MIPOL1: variants seen among roughly 807,000 people sequenced by gnomAD.
MIPOL1 encodes mirror-image polydactyly 1.
A neutral mutation model predicts 60.9 loss-of-function variants in MIPOL1; 57 were observed. The ratio of observed to expected loss-of-function variants is 0.94; its 90% CI spans 0.76 to 1.17. The LOEUF (loss-of-function observed/expected upper bound fraction) is 1.17. Among genes scored for constraint, MIPOL1 ranks in the 50% most tolerant of loss-of-function variants. The pLI is 0.00. For missense variants in MIPOL1, 551 were observed against 511.6 expected (o/e 1.08, Z -0.74); for synonymous variants, 179 against 168.8 (o/e 1.06, Z -0.47).
chr14:37,302,656 G>C (rs1444141704), intron 7 of MIPOL1, among the ~76,000 whole-genome samples: 1 of 147,466 alleles, frequency 6.8e-6, no homozygotes, highest in African/African-American at 2.5e-5. Flanking sequence ...TTTGCTTATG[G>C]ACATTCTTAT....
At chr14:37,276,095 G>A (rs1285707777) in intron 6 of MIPOL1, among the ~76,000 whole-genome samples, 1 of 150,972 alleles carries the variant, frequency 6.6e-6, no homozygotes, top group Non-Finnish European at 1.5e-5. Flanking sequence ...GTGTTTTTAA[G>A]TCTCTCCCTT....
intron 10 of MIPOL1, among the ~76,000 whole-genome samples, chr14:37,394,731 G>C (rs1274282125): frequency 6.6e-6 from 1 of 152,056 alleles, no homozygotes; most frequent in Non-Finnish European, 1.5e-5. Context: ...TTACTCTGCT[G>C]ACCGTTCCTT....
chr14:37,494,223 T>C (rs2095085156), intron 11 of MIPOL1, among the ~76,000 whole-genome samples: 1 of 152,110 alleles, frequency 6.6e-6, no homozygotes, highest in Admixed American at 6.6e-5. Flanking sequence ...TAAAATAAAA[T>C]TGCTATATAT....
chr14:37,507,129 A>G (rs1251605228), intron 12 of MIPOL1: 2 of 152,160 alleles, frequency 1.3e-5, no homozygotes, highest in African/African-American at 2.4e-5. Context: ...GGATGTGGAG[A>G]AATAGGAACG....
intron 9 of MIPOL1, among the ~76,000 whole-genome samples, chr14:37,342,915 A>G (rs1372239133): frequency 2.1e-4 from 2 of 9,344 alleles, no homozygotes; most frequent in South Asian, 0.011. Flanking sequence ...AAATATGAAT[A>G]TAAATTACTA....
chr14:37,345,685 G>A (rs2090899205), intron 9 of MIPOL1, among the ~76,000 whole-genome samples: 1 of 152,098 alleles, frequency 6.6e-6, no homozygotes, highest in African/African-American at 2.4e-5. Context: ...GATACTTGGA[G>A]CCCATATTCC....
intron 12 of MIPOL1, among the ~76,000 whole-genome samples, chr14:37,517,116 G>T (rs139188500): frequency 3.7e-4 from 56 of 152,226 alleles, no homozygotes; most frequent in African/African-American, 1.1e-3. Context: ...GGTATGTACA[G>T]ATCATTAAAT....
At chr14:37,359,046 A>G (rs2092046110) in intron 9 of MIPOL1, among the ~76,000 whole-genome samples, 1 of 152,164 alleles carries the variant, frequency 6.6e-6, no homozygotes. Context: ...TCAGCTTTCT[A>G]CATATGGCTA....
chr14:37,267,473 G>A lies in MIPOL1; in HGVS notation c.251+304G>A, dbSNP rs567622678. Among the ~76,000 whole-genome samples the A allele has an allele frequency of 6.0e-5, 9 of 151,086 alleles. No individual in the cohort carries two copies. The South Asian group carries it at 1.9e-3, about 32-fold the overall frequency. On this transcript the variant is annotated intron_variant, in intron 4 of 12. Coordinates refer to ENST00000684589, the MANE Select transcript of MIPOL1 (RefSeq NM_001388067.1). ...ACTGTACTCCAGCCTAGGCAACAGA[G>A]CAAGATTGTCTGAAGAAAAAAAAAA... is the stretch of plus-strand genomic sequence containing the variant.
At chr14:37,499,336 A>G (rs2095180405) in intron 11 of MIPOL1, among the ~76,000 whole-genome samples, 1 of 152,208 alleles carries the variant, frequency 6.6e-6, no homozygotes. Flanking sequence ...TTAGCCAAAA[A>G]AAAATATACA....
intron 3 of MIPOL1, among the ~76,000 whole-genome samples, chr14:37,251,949 C>A (rs2153364758): frequency 6.6e-6 from 1 of 151,794 alleles, no homozygotes; most frequent in Non-Finnish European, 1.5e-5. Context: ...AATTTAGAAC[C>A]TTTAGGGGTC....
chr14:37,264,609 C>T (rs1950883), intron 3 of MIPOL1, among the ~76,000 whole-genome samples: 46,087 of 151,206 alleles, frequency 0.3, 7,225 homozygotes, highest in East Asian at 0.46. Flanking sequence ...ACGTGGGTGA[C>T]GGAGCGAAAC....
At chr14:37,491,295 G>A (rs781380718) in intron 11 of MIPOL1, among the ~76,000 whole-genome samples, 1 of 152,176 alleles carries the variant, frequency 6.6e-6, no homozygotes, top group African/African-American at 2.4e-5. Context: ...TTGAGAGGCC[G>A]AGGTAAGTGG....
chr14:37,316,693 A>G (rs1316155464), intron 9 of MIPOL1, among the ~76,000 whole-genome samples: 1 of 151,158 alleles, frequency 6.6e-6, no homozygotes, highest in African/African-American at 2.4e-5. Context: ...TGATGTTTTC[A>G]GGGATAAAAA....
intron 10 of MIPOL1, among the ~76,000 whole-genome samples, chr14:37,398,116 T>G (rs529725680): frequency 2.6e-5 from 4 of 152,156 alleles, no homozygotes; most frequent in Non-Finnish European, 4.4e-5. Flanking sequence ...AATGGCCTGC[T>G]TGGGGACCCA....
At chr14:37,401,083 A>G (rs1021619078) in intron 10 of MIPOL1, 5 of 152,292 alleles carry the variant, frequency 3.3e-5, no homozygotes, top group Non-Finnish European at 5.9e-5. Context: ...TGATTTTAAT[A>G]TCAGTGATCA....
intron 7 of MIPOL1, among the ~76,000 whole-genome samples, chr14:37,290,311 C>T (rs578161631): frequency 6.9e-4 from 105 of 152,118 alleles, no homozygotes; most frequent in African/African-American, 2.3e-3. Flanking sequence ...CCACAACCTC[C>T]GCCTCCCAGG....
chr14:37,282,843 A>G (rs983564340), intron 6 of MIPOL1, among the ~76,000 whole-genome samples: 2 of 151,818 alleles, frequency 1.3e-5, no homozygotes. Context: ...CATGGATCTA[A>G]TTAGCCAGTC....
intron 9 of MIPOL1, among the ~76,000 whole-genome samples, chr14:37,350,974 T>C (rs1402428730): frequency 1.3e-5 from 2 of 151,488 alleles, no homozygotes; most frequent in Non-Finnish European, 2.9e-5. Context: ...TAGTTACATA[T>C]GTATACATGT....
Sources: allele counts gnomAD v4.1 joint callset (sites outside exome capture counted in the v4.1 genomes callset), GRCh38; gene constraint gnomAD v4.1.1; transcripts MANE v1.5; gene names NCBI Gene and HGNC (gene_info 2026-07-23, HGNC 2026-07-21).